The following KAZN variants were observed in gnomAD, a reference collection of about 807,000 sequenced individuals.
KAZN encodes kazrin.
KAZN carries 40 observed loss-of-function variants against 87.4 expected under a neutral mutation model. The ratio of observed to expected loss-of-function variants is 0.46; its 90% confidence interval spans 0.36 to 0.60. The LOEUF (loss-of-function observed/expected upper bound fraction) is 0.60, where lower values mean the gene tolerates loss of function less well. KAZN is among the 20% of genes least tolerant of loss of function. The pLI, the probability that KAZN is intolerant of heterozygous loss-of-function variation, is 0.00. For synonymous variants in KAZN, 466 were observed against 458.3 expected (o/e 1.02, Z -0.22); for missense variants, 898 against 1,073.9 (o/e 0.84, Z 2.29).
chr1:14,815,452 A>G (rs1216032492), intron 1 of KAZN, among the ~76,000 whole-genome samples: 1 of 152,156 alleles, frequency 6.6e-6, no homozygotes, highest in Non-Finnish European at 1.5e-5. Flanking sequence ...AACGTTAATG[A>G]TAATCTTCCA....
intron 2 of KAZN, among the ~76,000 whole-genome samples, chr1:15,026,362 C>T (rs1671159476): frequency 1.3e-5 from 2 of 152,194 alleles, no homozygotes; most frequent in Admixed American, 1.3e-4. Flanking sequence ...GATAGGGAAG[C>T]TCAGAGAAGT....
chr1:14,682,113 C>T (rs1640699893), intron 1 of KAZN, among the ~76,000 whole-genome samples: 1 of 152,100 alleles, frequency 6.6e-6, no homozygotes, highest in South Asian at 2.1e-4. Flanking sequence ...CCCCATTAAA[C>T]ACTAACTCTC....
chr1:14,564,812 C>CA (rs1165513568), intron 2 of KAZN, among the ~76,000 whole-genome samples: 1 of 151,824 alleles, frequency 6.6e-6, no homozygotes, highest in African/African-American at 2.4e-5. Context: ...GACTCCGTCT[C>CA]AAAAAATATA....
At chr1:14,647,858 G>A (rs1018088775) in intron 1 of KAZN, among the ~76,000 whole-genome samples, 4 of 152,256 alleles carry the variant, frequency 2.6e-5, no homozygotes, top group African/African-American at 4.8e-5. Context: ...CTGCAGGAAC[G>A]AGATGGTTGG....
intron 1 of KAZN, among the ~76,000 whole-genome samples, chr1:14,958,347 C>G (rs1439778882): frequency 6.7e-6 from 1 of 150,194 alleles, no homozygotes; most frequent in Non-Finnish European, 1.5e-5. Flanking sequence ...CCTATGTATA[C>G]AGGGCACTTC....
At chr1:14,175,311 G>T (rs995370567) in intron 1 of KAZN, among the ~76,000 whole-genome samples, 1 of 152,166 alleles carries the variant, frequency 6.6e-6, no homozygotes, top group Non-Finnish European at 1.5e-5. Context: ...CACCGTGTTA[G>T]CCAGGATGGT....
chr1:14,126,871 C>T (rs1644882545), intron 1 of KAZN, among the ~76,000 whole-genome samples: 1 of 152,150 alleles, frequency 6.6e-6, no homozygotes, highest in Admixed American at 6.5e-5. Flanking sequence ...TTTGGGAGGC[C>T]AAGGTGGGCA....
In KAZN at chr1:14,773,505, C is replaced by T. The variant is rs1486796388; in HGVS notation, c.226+174282C>T. Among the ~76,000 whole-genome samples, 1 of 152,140 alleles carries T rather than the reference C, an allele frequency of 6.6e-6. No individual in the cohort carries two copies. Among genetic ancestry groups the T allele is most frequent in the African/African-American group, 2.4e-5 (1 of 41,442 alleles). ...GGGAGGAAGGCCCTTCCAGAGTGGT[C>T]ACTGGGAGGCAAAAGGGCCTGGCTT... On this transcript the variant is annotated intron_variant, in intron 1 of 14. Coordinates refer to ENST00000376030, the MANE Select transcript of KAZN (RefSeq NM_201628.3). The surrounding 1 kb of genome is among the most constrained non-coding windows in gnomAD (Gnocchi z 5.9).
intron 1 of KAZN, among the ~76,000 whole-genome samples, chr1:13,896,529 C>G (rs911028895): frequency 6.6e-6 from 1 of 152,134 alleles, no homozygotes; most frequent in African/African-American, 2.4e-5. Flanking sequence ...TGGGCTCAAG[C>G]GATCCTTCTG....
chr1:14,559,418 C>A (rs1404039081), intron 2 of KAZN, among the ~76,000 whole-genome samples: 1 of 152,138 alleles, frequency 6.6e-6, no homozygotes. Flanking sequence ...TTTAGGATGG[C>A]CAGGTTCTGG....
rs936963034 is a variant in KAZN, at chr1:15,021,352, C to T, written c.419-13397C>T. On this transcript the variant is annotated intron_variant, in intron 2 of 14. Transcript: ENST00000376030. This position sits in a 1 kb window ranked among gnomAD's most constrained non-coding sequence, Gnocchi z 4.2. ...CATTTCCAGAAATCTCCATTTCCCCCTCCCGCTTCAACCTAGGGAATGTCC... is the reference window on the plus strand; with the variant it reads ...CATTTCCAGAAATCTCCATTTCCCCTTCCCGCTTCAACCTAGGGAATGTCC... Among the ~76,000 whole-genome samples the T allele has an allele frequency of 2.0e-5, 3 of 152,352 alleles. No individual in the cohort carries two copies. Among genetic ancestry groups the T allele is most frequent in the East Asian group, 1.9e-4 (1 of 5,184 alleles).
chr1:15,110,540 C>A (rs77021345), intron 13 of KAZN, among the ~76,000 whole-genome samples: 1 of 83,192 alleles, frequency 1.2e-5, no homozygotes, highest in African/African-American at 5.2e-5. Context: ...TGTGTGTGTG[C>A]ATATGTGTTT....
Position 14,355,336 on chromosome 1 carries a change from A to G in KAZN, c.249+174744A>G, listed in dbSNP as rs149274891. 2.4e-3 allele frequency among the ~76,000 whole-genome samples: 358 copies of G among 152,278 alleles called. 3 individuals carry two copies. The highest frequency in any genetic ancestry group is 8.2e-3 in the African/African-American group (341 of 41,564). On this transcript the variant is annotated intron_variant, in intron 2 of 16. Transcript: ENST00000636203. ...CTATATGCAATTATACCTGAATAAC[A>G]CAGTAATCACACAAATAAATACAAA...
intron 1 of KAZN, among the ~76,000 whole-genome samples, chr1:14,828,729 G>C (rs1461578906): frequency 6.6e-6 from 1 of 152,110 alleles, no homozygotes; most frequent in Non-Finnish European, 1.5e-5. Flanking sequence ...GCTGTGGTTG[G>C]TAGCACTGGA....
intron 1 of KAZN, among the ~76,000 whole-genome samples, chr1:14,031,753 T>C (rs1641337918): frequency 6.6e-6 from 1 of 152,212 alleles, no homozygotes; most frequent in Non-Finnish European, 1.5e-5. Flanking sequence ...TTCTTGAGAC[T>C]CTGCTTCAAG....
chr1:14,077,181 T>C (rs1382060868), intron 1 of KAZN, among the ~76,000 whole-genome samples: 4 of 152,160 alleles, frequency 2.6e-5, no homozygotes, highest in Admixed American at 6.5e-5. Context: ...TGTTCCCATG[T>C]GGACTTCGTT....
Position 15,066,185 on chromosome 1 carries a change from CT to C in KAZN, c.1222+437del. On this transcript the variant is annotated intron_variant, in intron 8 of 14. Transcript: ENST00000376030. The surrounding 1 kb of genome is among the most constrained non-coding windows in gnomAD (Gnocchi z 4.3). The stretch of plus-strand genomic sequence containing the variant: ...TTTCCCCCTTTCTCCTCCCCTCCTC[CT>C]TTTTATGAAACTTGAAAACTTGAAG... 1 of 1,002,040 alleles carries C rather than the reference CT, an allele frequency of 1.0e-6. No homozygotes were observed. The highest frequency in any genetic ancestry group is 1.2e-6 in the Non-Finnish European group (1 of 841,290). The allele number at this position is 1,002,040 out of a possible 1,614,324, so 62.1% of individuals were successfully genotyped here.
intron 2 of KAZN, among the ~76,000 whole-genome samples, chr1:14,419,971 G>A (rs999118313): frequency 2.6e-5 from 4 of 152,188 alleles, no homozygotes; most frequent in Non-Finnish European, 4.4e-5. Context: ...TTAGGGGATT[G>A]CCACTCCCGG....
At chr1:14,371,209 C>T (rs1660455987) in intron 2 of KAZN, among the ~76,000 whole-genome samples, 1 of 152,160 alleles carries the variant, frequency 6.6e-6, no homozygotes, top group Non-Finnish European at 1.5e-5. Flanking sequence ...ACATTTGGGA[C>T]AAGTCCTGGG....
Sources: gnomAD v4.1 joint callset for allele counts (sites outside exome capture counted in the v4.1 genomes callset) on GRCh38, gnomAD v4.1.1 for gene constraint, Gnocchi (gnomAD v3.1) non-coding constraint, MANE v1.5 for transcripts, NCBI Gene and HGNC (gene_info 2026-07-23, HGNC 2026-07-21) for gene names.